The following RNGTT variants were observed in gnomAD, a reference collection of about 807,000 sequenced individuals.
RNGTT encodes mRNA-capping enzyme.
A neutral mutation model predicts 79.3 loss-of-function variants in RNGTT; 33 were observed. The ratio of observed to expected loss-of-function variants is 0.42; its 90% CI spans 0.32 to 0.56. The LOEUF (loss-of-function observed/expected upper bound fraction) is 0.56, where lower values mean the gene tolerates loss of function less well. Ranked by LOEUF, RNGTT falls within the 20% of genes least tolerant of loss-of-function variation. The pLI is 0.17. For missense variants in RNGTT, 497 were observed against 739.1 expected (o/e 0.67, Z 3.80); for synonymous variants, 222 against 235.9 (o/e 0.94, Z 0.54).
intron 13 of RNGTT, 39 bp from the exon 14 acceptor site, chr6:88,678,458 T>G (rs1425172662): frequency 7.7e-7 from 1 of 1,304,130 alleles, no homozygotes; most frequent in African/African-American, 1.5e-5. Flanking sequence ...AAATACTCCT[T>G]CTTATAAATA....
chr6:88,766,674 T>A (rs967202091), intron 13 of RNGTT, among the ~76,000 whole-genome samples: 7 of 152,120 alleles, frequency 4.6e-5, no homozygotes, highest in African/African-American at 1.7e-4. Flanking sequence ...AACAGAAATC[T>A]ATACTATTAG....
chr6:88,802,710 A>C (rs1779830905), intron 11 of RNGTT, among the ~76,000 whole-genome samples: 1 of 152,218 alleles, frequency 6.6e-6, no homozygotes, highest in Admixed American at 6.5e-5. Flanking sequence ...CTTACATGGC[A>C]GCAGGCAAGA....
At position 88,958,929 on chromosome 6, in the gene RNGTT, T is replaced by A. The variant is rs183425969; in HGVS notation, c.64+4417A>T. 1.5e-3 allele frequency among the ~76,000 whole-genome samples: 231 copies of A among 152,294 alleles called. 1 individual carries two copies. The highest frequency in any genetic ancestry group is 3.4e-3 in the Middle Eastern group (1 of 294). On this transcript the variant is annotated intron_variant, in intron 1 of 15. Transcript: ENST00000369485. ...CAGGCATGTTTACAGCAGCACAATT[T>A]GCAATTGCAAAAATGTGGAACCAGC...
chr6:88,676,725 A>T (rs1774889690), intron 14 of RNGTT, among the ~76,000 whole-genome samples: 1 of 152,230 alleles, frequency 6.6e-6, no homozygotes, highest in Admixed American at 6.5e-5. Context: ...AAAACTCAGT[A>T]AGAAAACAAA....
chr6:88,734,811 A>C (rs996273876), intron 13 of RNGTT, among the ~76,000 whole-genome samples: 1 of 152,168 alleles, frequency 6.6e-6, no homozygotes, highest in Non-Finnish European at 1.5e-5. Context: ...GTATTCAATA[A>C]GCTACATGAA....
chr6:88,939,321 C>T (rs1784773208), intron 2 of RNGTT, among the ~76,000 whole-genome samples: 1 of 152,048 alleles, frequency 6.6e-6, no homozygotes. Flanking sequence ...TTATTTTTGT[C>T]TTACTAGGTT....
intron 6 of RNGTT, among the ~76,000 whole-genome samples, chr6:88,898,774 C>A (rs1387494059): frequency 6.8e-6 from 1 of 146,400 alleles, no homozygotes; most frequent in African/African-American, 2.5e-5. Context: ...AAGAAATAAC[C>A]AAAAAGTACA....
At chr6:88,794,861 C>A (rs1779541775) in intron 12 of RNGTT, among the ~76,000 whole-genome samples, 2 of 152,120 alleles carry the variant, frequency 1.3e-5, no homozygotes, top group African/African-American at 4.8e-5. Flanking sequence ...ATCAATCTCC[C>A]ACAAATCCTA....
chr6:88,765,337 T>G (rs1193738413), intron 13 of RNGTT, among the ~76,000 whole-genome samples: 2 of 152,180 alleles, frequency 1.3e-5, no homozygotes, highest in Non-Finnish European at 2.9e-5. Flanking sequence ...CAGAGTTATG[T>G]TTTTAATCCA....
chr6:88,795,038 G>C (rs896052985), intron 12 of RNGTT, among the ~76,000 whole-genome samples: 1 of 152,162 alleles, frequency 6.6e-6, no homozygotes, highest in Non-Finnish European at 1.5e-5. Context: ...GGCTGTCATG[G>C]AAGGAAAGAT....
At chr6:88,660,497 G>C (rs914034842) in intron 14 of RNGTT, among the ~76,000 whole-genome samples, 5 of 149,620 alleles carry the variant, frequency 3.3e-5, no homozygotes, top group Admixed American at 6.6e-5. Context: ...CCAAAAGTGA[G>C]CAGGAGTGGC....
intron 12 of RNGTT, among the ~76,000 whole-genome samples, chr6:88,798,433 C>T (rs908459430): frequency 6.6e-6 from 1 of 151,444 alleles, no homozygotes; most frequent in Non-Finnish European, 1.5e-5. Flanking sequence ...CCACTGCACA[C>T]CAGCCTGGGC....
chr6:88,922,978 A>C (rs1254859129), intron 4 of RNGTT, among the ~76,000 whole-genome samples: 1 of 152,184 alleles, frequency 6.6e-6, no homozygotes, highest in Non-Finnish European at 1.5e-5. Flanking sequence ...TCATGGTTTC[A>C]ATTAGCTTGT....
intron 13 of RNGTT, among the ~76,000 whole-genome samples, chr6:88,746,511 T>G (rs9362550): frequency 0.14 from 20,981 of 152,226 alleles, 1,595 homozygotes; most frequent in Middle Eastern, 0.24. Flanking sequence ...CCACAAATGT[T>G]GGTGGGGGAA....
intron 13 of RNGTT, among the ~76,000 whole-genome samples, chr6:88,741,050 G>C (rs1020021151): frequency 1.3e-5 from 2 of 152,098 alleles, no homozygotes; most frequent in African/African-American, 2.4e-5. Context: ...ATTTCTGAAA[G>C]AACTTAAAAC....
chr6:88,950,140 T>TA (rs1785192695), intron 1 of RNGTT, among the ~76,000 whole-genome samples: 2 of 152,228 alleles, frequency 1.3e-5, no homozygotes, highest in Non-Finnish European at 2.9e-5. Context: ...CCCATCTGTT[T>TA]ACAGAATGTT....
intron 1 of RNGTT, among the ~76,000 whole-genome samples, chr6:88,961,762 T>C (rs1785633280): frequency 6.6e-6 from 1 of 152,224 alleles, no homozygotes; most frequent in Admixed American, 6.5e-5. Flanking sequence ...TCTTAAAACA[T>C]ACACCTACCA....
At chr6:88,757,266 AG>A (rs1200483922) in intron 13 of RNGTT, among the ~76,000 whole-genome samples, 2 of 152,204 alleles carry the variant, frequency 1.3e-5, no homozygotes, top group Non-Finnish European at 2.9e-5. Flanking sequence ...AACAAATTCA[AG>A]GAAAAGCAAG....
intron 11 of RNGTT, among the ~76,000 whole-genome samples, chr6:88,829,721 A>AAAAAAAAAAAC (rs1554221603): frequency 2.1e-4 from 24 of 115,582 alleles, no homozygotes; most frequent in East Asian, 5.1e-4. Flanking sequence ...AAAAAAAAAA[A>AAAAAAAAAAAC]AAACCAGGGG....
Sources: gnomAD v4.1 joint callset for allele counts (sites outside exome capture counted in the v4.1 genomes callset) on GRCh38, gnomAD v4.1.1 for gene constraint, MANE v1.5 for transcripts, NCBI Gene and HGNC (gene_info 2026-07-23, HGNC 2026-07-21) for gene names.